ANKEF1: variants seen among roughly 807,000 people sequenced by gnomAD.
The protein encoded by ANKEF1 is ankyrin repeat and EF-hand domain containing 1.
A neutral mutation model predicts 65.1 loss-of-function variants in ANKEF1; 43 were observed. That is an observed-to-expected ratio of 0.66 (90% CI 0.52 to 0.85). ANKEF1 has a LOEUF of 0.85. Ranked by LOEUF, ANKEF1 falls within the 40% of genes least tolerant of loss-of-function variation. ANKEF1 has a pLI of 0.00. For synonymous variants in ANKEF1, 316 were observed against 341.5 expected (o/e 0.93, Z 0.82); for missense variants, 934 against 952.9 (o/e 0.98, Z 0.26).
chr20:10,049,440 G>A lies in ANKEF1; in HGVS notation c.871G>A (p.Ala291Thr). 6.2e-7 allele frequency: 1 copy of A among 1,614,140 alleles called. No individual in the cohort carries two copies. Among genetic ancestry groups the A allele is most frequent in the Non-Finnish European group, 8.5e-7 (1 of 1,180,004 alleles). Residue 291 changes from alanine (A) to threonine (T), a missense_variant, in exon 7 of 11, where the codon GCT (alanine) becomes ACT (threonine). Coordinates refer to ENST00000378392, the MANE Select transcript of ANKEF1 (RefSeq NM_022096.6). Reference sequence around the variant, plus strand: ...AGATCATAAAACGCCCAGGGCTGTGGCTAAGGAAGGCGGCTTCAAAGCAGC... The same window carrying A: ...AGATCATAAAACGCCCAGGGCTGTGACTAAGGAAGGCGGCTTCAAAGCAGC... Reference protein sequence around the residue: ...NLDHKTPRAVAKEGGFKAASK... With the variant: ...NLDHKTPRAVTKEGGFKAASK...
chr20:10,055,541 A>T lies in ANKEF1; in HGVS notation c.2212A>T (p.Lys738Ter). 6.2e-7 allele frequency: 1 copy of T among 1,613,736 alleles called. No homozygotes were observed. Among genetic ancestry groups the T allele is most frequent in the Non-Finnish European group, 8.5e-7 (1 of 1,179,806 alleles). ...PEATTAELIR[K>*]RELRRERFTH... ...AGCCACAACAGCAGAGCTGATCAGGAAGAGGGAACTACGGCGAGAGAGGTT... is the reference window on the plus strand; with the variant it reads ...AGCCACAACAGCAGAGCTGATCAGGTAGAGGGAACTACGGCGAGAGAGGTT... The change falls in exon 11 of 11, where the codon AAG becomes TAG. Residue 738 changes from lysine (K) to a stop codon, truncating the protein, a stop_gained. Coordinates refer to ENST00000378392, the MANE Select transcript of ANKEF1 (RefSeq NM_022096.6). LOFTEE classifies it high-confidence loss of function.
chr20:10,041,924 T>C (rs776283018), intron 3 of ANKEF1, among the ~76,000 whole-genome samples: 1 of 152,234 alleles, frequency 6.6e-6, no homozygotes, highest in Non-Finnish European at 1.5e-5. Context: ...AAAGTCTTGA[T>C]TGGGTATAAA....
chr20:10,048,393 A>T (rs1459115444), intron 6 of ANKEF1, among the ~76,000 whole-genome samples: 3 of 152,158 alleles, frequency 2.0e-5, no homozygotes, highest in African/African-American at 7.2e-5. Flanking sequence ...CCCCTCAAGC[A>T]TTTATTCTTT....
In ANKEF1 at chr20:10,054,460, A is replaced by T; in HGVS notation, c.2035-2A>T. The T allele has an allele frequency of 6.5e-7, 1 of 1,529,344 alleles. No individual in the cohort carries two copies. Among genetic ancestry groups the T allele is most frequent in the Non-Finnish European group, 8.7e-7 (1 of 1,146,012 alleles). 94.7% of individuals were successfully genotyped at this position (1,529,344 alleles called of 1,614,324 possible). On this transcript the variant is annotated splice_acceptor_variant, in intron 9 of 10. Transcript: ENST00000378392. LOFTEE classifies it high-confidence loss of function. ...TTATAATTTTTTTGTTCTTGTTTCC[A>T]GGAACTGCTGTCATCAATTTATGGT...
intron 2 of ANKEF1, among the ~76,000 whole-genome samples, chr20:10,037,451 G>C (rs1983927716): frequency 6.6e-6 from 1 of 152,178 alleles, no homozygotes; most frequent in South Asian, 2.1e-4. Context: ...ATATGCTTGA[G>C]CTTCAGTGTA....
intron 3 of ANKEF1, among the ~76,000 whole-genome samples, chr20:10,041,699 T>C (rs1490900832): frequency 1.3e-5 from 2 of 152,186 alleles, no homozygotes; most frequent in East Asian, 3.8e-4. Flanking sequence ...AATTGCAATA[T>C]ATTTTTCTCT....
At position 10,038,400 on chromosome 20, in the gene ANKEF1, G is replaced by C; in HGVS notation, c.99G>C (p.Lys33Asn). Residue 33 changes from lysine (K) to asparagine (N), a missense_variant, in exon 3 of 11, where the codon AAG becomes AAC. Transcript: ENST00000378392. ...AGAAGCAGATAGAGAAGCTGACCAAGCTTGGATACCCTGAACTAATCAATT... is the reference window on the plus strand; with the variant it reads ...AGAAGCAGATAGAGAAGCTGACCAACCTTGGATACCCTGAACTAATCAATT... ...KDKKQIEKLTKLGYPELINYT... is the reference protein window; with the variant it reads ...KDKKQIEKLTNLGYPELINYT... 1 of 1,613,934 alleles carries C rather than the reference G, an allele frequency of 6.2e-7. No homozygotes were observed.
Position 10,038,286 on chromosome 20 carries a change from A to T in ANKEF1, c.-16A>T. ...TAGTTTTGGTCCAGAAAGCATTTTC[A>T]AGGAGCTGGTCAAGCATGGCTTTAG... On this transcript the variant is annotated 5_prime_UTR_variant, in exon 3 of 11. Transcript: ENST00000378392. 7.0e-7 allele frequency: 1 copy of T among 1,424,722 alleles called. No homozygotes were observed. The highest frequency in any genetic ancestry group is 9.3e-7 in the Non-Finnish European group (1 of 1,078,750). 88.3% of individuals were successfully genotyped at this position (1,424,722 alleles called of 1,614,324 possible). A position where few individuals can be genotyped will look rare whatever the true frequency, so the allele number is the denominator to read the frequency against.
chr20:10,049,521 G>A lies in ANKEF1; in HGVS notation c.952G>A (p.Ala318Thr), dbSNP rs2122258614. ...CGCTAATAAACTAGCCAGGCCAGGA[G>A]CCAAAAATCCAAATCCACTGTGGGC... Reference protein sequence around the residue: ...RIANKLARPGAKNPNPLWALR... With the variant: ...RIANKLARPGTKNPNPLWALR... The change falls in exon 7 of 11, where the codon GCC (alanine) becomes ACC (threonine). Residue 318 changes from alanine (A) to threonine (T), a missense_variant. Ala to Thr is a moderately conservative substitution (Grantham distance 58). Transcript: ENST00000378392. 6 of 1,614,124 alleles carry A rather than the reference G, an allele frequency of 3.7e-6. No homozygotes were observed. Among genetic ancestry groups the A allele is most frequent in the Non-Finnish European group, 5.1e-6 (6 of 1,180,016 alleles).
chr20:10,043,652 C>CTTTTTT (rs374135080), intron 4 of ANKEF1, among the ~76,000 whole-genome samples: 13 of 81,366 alleles, frequency 1.6e-4, no homozygotes, highest in East Asian at 9.2e-4. Flanking sequence ...TTTTCTTTTC[C>CTTTTTT]TTTTTTTTTT....
intron 8 of ANKEF1, among the ~76,000 whole-genome samples, chr20:10,052,504 A>C (rs373933516): frequency 2.6e-5 from 4 of 152,272 alleles, no homozygotes; most frequent in African/African-American, 9.6e-5. Context: ...AAATCATTTG[A>C]ATATATTTGA....
rs76711785 is a variant in ANKEF1, at chr20:10,038,167, T to A, written c.-44-91T>A. 4.7e-3 allele frequency: 2,453 copies of A among 524,794 alleles called. 48 individuals are homozygous for A. The highest frequency in any genetic ancestry group is 0.041 in the African/African-American group (2,174 of 52,430). The allele number at this position is 524,794 out of a possible 1,614,324, so 32.5% of individuals were successfully genotyped here. A position where few individuals can be genotyped will look rare whatever the true frequency, so the allele number is the denominator to read the frequency against. ...TGAACATTTCTTAAAAAACAATCTC[T>A]GTTCTTAAGGAAGTTCCAAAATATT... is the stretch of plus-strand genomic sequence containing the variant. On this transcript the variant is annotated intron_variant, in intron 2 of 10. Coordinates refer to ENST00000378392, the MANE Select transcript of ANKEF1 (RefSeq NM_022096.6).
At position 10,053,210 on chromosome 20, in the gene ANKEF1, C is replaced by A; in HGVS notation, c.1969C>A (p.Gln657Lys). The A allele has an allele frequency of 6.2e-7, 1 of 1,613,352 alleles. No individual in the cohort carries two copies. The highest frequency in any genetic ancestry group is 8.5e-7 in the Non-Finnish European group (1 of 1,179,680). The change falls in exon 9 of 11, where the codon CAA becomes AAA. Residue 657 changes from glutamine (Q) to lysine (K), a missense_variant. Coordinates refer to ENST00000378392, the MANE Select transcript of ANKEF1 (RefSeq NM_022096.6). Reference sequence around the variant, plus strand: ...TAACTTGCCGAAACCAGCAGAAAATCAAAAACTAAAAGGCAAGACACCTCC... The same window carrying A: ...TAACTTGCCGAAACCAGCAGAAAATAAAAAACTAAAAGGCAAGACACCTCC... Reference protein sequence around the residue: ...LDNLPKPAENQKLKGKTPPIL... With the variant: ...LDNLPKPAENKKLKGKTPPIL...
At position 10,049,568 on chromosome 20, in the gene ANKEF1, C is replaced by T; in HGVS notation, c.999C>T (p.Ser333=). 1 of 1,614,046 alleles carries T rather than the reference C, an allele frequency of 6.2e-7. No individual in the cohort carries two copies. The highest frequency in any genetic ancestry group is 8.5e-7 in the Non-Finnish European group (1 of 1,180,004). ...GGGCCCTTAGACTGCACGATTGGTC[C>T]GTAGAACGTGAGGCTTTCCTCCGGG... ...PLWALRLHDW[S]VEREAFLREA... is the part of the protein sequence containing the mutation. The change falls in exon 7 of 11, where the codon TCC becomes TCT. Residue 333 remains serine, a synonymous_variant. Transcript: ENST00000378392.
chr20:10,037,913 G>A (rs1983951604), intron 2 of ANKEF1, among the ~76,000 whole-genome samples: 1 of 152,160 alleles, frequency 6.6e-6, no homozygotes, highest in Admixed American at 6.5e-5. Context: ...TTTTGCTGGT[G>A]TGAAACCATG....
intron 5 of ANKEF1, among the ~76,000 whole-genome samples, chr20:10,044,931 T>C (rs1482349391): frequency 6.6e-6 from 1 of 152,200 alleles, no homozygotes; most frequent in Non-Finnish European, 1.5e-5. Context: ...TGTTTGTGTG[T>C]ATTAGATAAT....
chr20:10,042,371 A>T (rs1016578799), intron 3 of ANKEF1, among the ~76,000 whole-genome samples: 1 of 151,504 alleles, frequency 6.6e-6, no homozygotes, highest in Non-Finnish European at 1.5e-5. Flanking sequence ...TTTTTTGGTT[A>T]TTCTTTGAAT....
In ANKEF1 at chr20:10,055,704, G is replaced by A; in HGVS notation, c.*44G>A. The A allele has an allele frequency of 3.7e-6, 6 of 1,603,040 alleles. No homozygotes were observed. The highest frequency in any genetic ancestry group is 4.3e-6 in the Non-Finnish European group (5 of 1,171,208). On this transcript the variant is annotated 3_prime_UTR_variant, in exon 11 of 11. Transcript: ENST00000378392. ...TGGGGTAAATGCTTTGAGGCCCAGG[G>A]ACCAATCTTTGGAGAAAGTAGATAT...
In ANKEF1 at chr20:10,057,767, A is replaced by G. The variant is rs879566065; in HGVS notation, c.*2107A>G. On this transcript the variant is annotated 3_prime_UTR_variant, in exon 11 of 11. Transcript: ENST00000378392. ...AACACTTAAGTGAACTATTTAATCT[A>G]TAGACCTTATTCAGATTTTGCTATT... 6.6e-6 allele frequency: 1 copy of G among 152,244 alleles called. No individual in the cohort carries two copies. Among genetic ancestry groups the G allele is most frequent in the Admixed American group, 6.5e-5 (1 of 15,280 alleles). The allele number at this position is 152,244 out of a possible 1,614,324, so 9.4% of individuals were successfully genotyped here.
Sources: gnomAD v4.1 joint callset for allele counts (sites outside exome capture counted in the v4.1 genomes callset) on GRCh38, gnomAD v4.1.1 for gene constraint, MANE v1.5 for transcripts, NCBI Gene and HGNC (gene_info 2026-07-23, HGNC 2026-07-21) for gene names.